DACH2: variants seen among roughly 807,000 people sequenced by gnomAD.
DACH2 encodes the protein dachshund homolog 2.
In DACH2, 17 loss-of-function variants were observed where a neutral mutation model predicts 35.8. The observed-to-expected ratio is 0.48, with a 90% CI of 0.33 to 0.71. The LOEUF (loss-of-function observed/expected upper bound fraction) is 0.71. Ranked by LOEUF, DACH2 falls within the 30% of genes least tolerant of loss-of-function variation. DACH2 has a pLI of 0.02. For synonymous variants in DACH2, 195 were observed against 177.3 expected (o/e 1.10, Z -0.79); for missense variants, 469 against 472.7 (o/e 0.99, Z 0.07).
intron 2 of DACH2, among the ~76,000 whole-genome samples, chrX:86,401,840 A>G (rs986512219): frequency 8.9e-5 from 10 of 111,813 alleles, no homozygotes; most frequent in African/African-American, 3.3e-4. Flanking sequence ...ATTTACCACA[A>G]TAAGGTAGGC....
intron 2 of DACH2, among the ~76,000 whole-genome samples, chrX:86,400,280 G>A (rs1258279395): frequency 1.8e-5 from 2 of 110,657 alleles, no homozygotes; most frequent in Non-Finnish European, 3.8e-5. Flanking sequence ...TTATCCATTC[G>A]TCTAGTTTTT....
At chrX:86,792,406 C>G (rs1021474090) in intron 7 of DACH2, among the ~76,000 whole-genome samples, 1 of 111,310 alleles carries the variant, frequency 9.0e-6, no homozygotes, top group Non-Finnish European at 1.9e-5. Flanking sequence ...AGCTATTTTG[C>G]AATATATAAT....
At chrX:86,310,572 T>A (rs1301312590) in intron 1 of DACH2, among the ~76,000 whole-genome samples, 1 of 111,878 alleles carries the variant, frequency 8.9e-6, no homozygotes, top group Admixed American at 9.5e-5. Context: ...ATCTTCCCAG[T>A]GGGCAGAACT....
intron 1 of DACH2, among the ~76,000 whole-genome samples, chrX:86,356,197 T>G (rs920944815): frequency 8.1e-5 from 9 of 111,628 alleles, no homozygotes; most frequent in African/African-American, 2.9e-4. Context: ...CCATCTTGAG[T>G]TGATTTTTGT....
chrX:86,262,725 C>G (rs1374471667), intron 1 of DACH2, among the ~76,000 whole-genome samples: 1 of 111,693 alleles, frequency 9.0e-6, no homozygotes, highest in African/African-American at 3.3e-5. Flanking sequence ...TGAGCTGGAG[C>G]CTTTTATCAG....
At chrX:86,259,013 T>C (rs922147514) in intron 1 of DACH2, among the ~76,000 whole-genome samples, 1 of 111,825 alleles carries the variant, frequency 8.9e-6, no homozygotes, top group Non-Finnish European at 1.9e-5. Context: ...AGGAGACAAA[T>C]GGATGATTGT....
intron 1 of DACH2, among the ~76,000 whole-genome samples, chrX:86,334,686 C>A (rs1256967417): frequency 9.0e-6 from 1 of 111,448 alleles, no homozygotes; most frequent in Non-Finnish European, 1.9e-5. Context: ...TTATTGCAAA[C>A]GTCTTCTCCC....
intron 1 of DACH2, among the ~76,000 whole-genome samples, chrX:86,183,547 C>G (rs1389272569): frequency 9.0e-6 from 1 of 111,664 alleles, no homozygotes; most frequent in Non-Finnish European, 1.9e-5. Context: ...GGTGGATAAG[C>G]TTTTGGATGT....
intron 1 of DACH2, among the ~76,000 whole-genome samples, chrX:86,288,828 A>G (rs1490392502): frequency 8.9e-6 from 1 of 112,196 alleles, no homozygotes. Flanking sequence ...GCTGTACTAT[A>G]GCCAAGTCCT....
chrX:86,639,410 G>A (rs913723228), intron 3 of DACH2, among the ~76,000 whole-genome samples: 1 of 111,516 alleles, frequency 9.0e-6, no homozygotes, highest in Non-Finnish European at 1.9e-5. Flanking sequence ...GAGCTACATG[G>A]AGCTCTGAGC....
chrX:86,597,332 C>T (rs1227710430), intron 3 of DACH2, among the ~76,000 whole-genome samples: 3 of 111,850 alleles, frequency 2.7e-5, no homozygotes, highest in Admixed American at 1.9e-4. Flanking sequence ...TTAAGCACTT[C>T]TTTAGCTGCA....
intron 2 of DACH2, among the ~76,000 whole-genome samples, chrX:86,429,856 C>T (rs1569396160): frequency 8.9e-6 from 1 of 112,130 alleles, no homozygotes; most frequent in Admixed American, 9.5e-5. Flanking sequence ...AGCCACCGCG[C>T]CTGGCCTAAA....
intron 3 of DACH2, among the ~76,000 whole-genome samples, chrX:86,594,681 T>C (rs1474722879): frequency 8.9e-6 from 1 of 111,808 alleles, no homozygotes; most frequent in Admixed American, 9.6e-5. Context: ...CCTGGGAGCA[T>C]TTTATAGCTT....
chrX:86,272,803 ATCTT>A (rs1347329554), intron 1 of DACH2, among the ~76,000 whole-genome samples: 1 of 111,837 alleles, frequency 8.9e-6, no homozygotes, highest in Non-Finnish European at 1.9e-5. Flanking sequence ...AATGAAGAAA[ATCTT>A]TCTGTAGCAT....
intron 3 of DACH2, among the ~76,000 whole-genome samples, chrX:86,636,256 G>C (rs190314218): frequency 8.1e-5 from 9 of 110,647 alleles, no homozygotes; most frequent in Non-Finnish European, 1.5e-4. Context: ...AGACCAGCCC[G>C]GCCAACATGG....
intron 7 of DACH2, among the ~76,000 whole-genome samples, chrX:86,750,955 C>T (rs890617815): frequency 1.2e-4 from 13 of 111,199 alleles, no homozygotes; most frequent in African/African-American, 4.2e-4. Context: ...GTTTTATACC[C>T]GGAAGTGGAA....
chrX:86,743,967 C>T (rs1401043935), intron 7 of DACH2, among the ~76,000 whole-genome samples: 1 of 111,106 alleles, frequency 9.0e-6, no homozygotes, highest in Non-Finnish European at 1.9e-5. Flanking sequence ...AGCAGCTTTG[C>T]TAGGAAAGTC....
intron 2 of DACH2, among the ~76,000 whole-genome samples, chrX:86,463,312 TTATA>T (rs2037607588): frequency 9.0e-6 from 1 of 110,542 alleles, no homozygotes; most frequent in Admixed American, 9.8e-5. Context: ...ATTCATAAGT[TTATA>T]TATTGATTAT....
chrX:86,342,926 A>T (rs930082578), intron 1 of DACH2, among the ~76,000 whole-genome samples: 11 of 112,019 alleles, frequency 9.8e-5, no homozygotes, highest in African/African-American at 3.6e-4. Context: ...CGGCAAAAGG[A>T]TTAGGACTTG....
Sources: allele counts gnomAD v4.1 joint callset (sites outside exome capture counted in the v4.1 genomes callset), GRCh38; gene constraint gnomAD v4.1.1; transcripts MANE v1.5; gene names NCBI Gene and HGNC (gene_info 2026-07-23, HGNC 2026-07-21).